The following FRMPD1 variants were observed in gnomAD, a reference collection of about 807,000 sequenced individuals.
FRMPD1 encodes FERM and PDZ domain-containing protein 1.
Under a neutral mutation model 117.8 loss-of-function variants are expected in FRMPD1, and 76 were observed. The ratio of observed to expected loss-of-function variants is 0.65; its 90% CI spans 0.54 to 0.78. FRMPD1 has a LOEUF of 0.78. FRMPD1 is among the 30% of genes least tolerant of loss of function. FRMPD1 has a pLI of 0.00. For missense variants in FRMPD1, 1,786 were observed against 1,964.5 expected (o/e 0.91, Z 1.72); for synonymous variants, 783 against 770.4 (o/e 1.02, Z -0.27).
intron 6 of FRMPD1, among the ~76,000 whole-genome samples, chr9:37,720,665 T>C (rs1417579227): frequency 6.7e-6 from 1 of 148,614 alleles, no homozygotes; most frequent in East Asian, 2.0e-4. Context: ...CCAGACTCCA[T>C]CTCAAAAAAA....
intron 1 of FRMPD1, among the ~76,000 whole-genome samples, chr9:37,682,218 T>A (rs779423430): frequency 9.2e-5 from 14 of 152,190 alleles, no homozygotes; most frequent in Admixed American, 2.6e-4. Context: ...TTTTTTAACC[T>A]CTCCAAGCCT....
At chr9:37,704,027 T>G (rs781728936) in intron 2 of FRMPD1, among the ~76,000 whole-genome samples, 40 of 152,190 alleles carry the variant, frequency 2.6e-4, no homozygotes, top group Non-Finnish European at 5.6e-4. Flanking sequence ...TACCCAGGAG[T>G]GCAATTGCTG....
chr9:37,735,463 G>A (rs1824074812), intron 12 of FRMPD1, 89 bp from the exon 13 acceptor site: 1 of 960,028 alleles, frequency 1.0e-6, no homozygotes, highest in Non-Finnish European at 1.6e-6. Context: ...GAATCAAGGA[G>A]TTTGCAGCGA....
chr9:37,689,032 C>T (rs1370418694), intron 1 of FRMPD1, among the ~76,000 whole-genome samples: 1 of 152,114 alleles, frequency 6.6e-6, no homozygotes, highest in African/African-American at 2.4e-5. Flanking sequence ...CACTCCTCCT[C>T]ACCCTTGAAT....
At chr9:37,692,959 C>T (rs1013408973) in intron 2 of FRMPD1, among the ~76,000 whole-genome samples, 4 of 151,978 alleles carry the variant, frequency 2.6e-5, no homozygotes, top group Non-Finnish European at 5.9e-5. Context: ...ACAGAGACAC[C>T]CCAACTCACA....
chr9:37,731,931 G>A (rs970289145), intron 9 of FRMPD1, among the ~76,000 whole-genome samples: 3 of 152,006 alleles, frequency 2.0e-5, no homozygotes, highest in Non-Finnish European at 4.4e-5. Context: ...TTTTACAGAT[G>A]AGATAACTCA....
At chr9:37,614,376 A>T in the FRMPD1 span, among the ~76,000 whole-genome samples, 3 of 152,258 alleles carry the variant, frequency 2.0e-5, no homozygotes, top group Non-Finnish European at 4.4e-5. Context: ...TGAGACAGGC[A>T]GGATGAAGAA....
intron 1 of FRMPD1, among the ~76,000 whole-genome samples, chr9:37,655,983 C>G (rs1820832000): frequency 6.6e-6 from 1 of 152,182 alleles, no homozygotes; most frequent in African/African-American, 2.4e-5. Context: ...TCACTGTTCC[C>G]TGATACTTGG....
intron 4 of FRMPD1, among the ~76,000 whole-genome samples, chr9:37,710,959 C>CAAA (rs33962036): frequency 1.1e-4 from 12 of 106,936 alleles, no homozygotes; most frequent in Non-Finnish European, 1.2e-4. Flanking sequence ...CTCTGTCTCA[C>CAAA]AAAAAAAAAA....
chr9:37,617,992 G>A, the FRMPD1 span, among the ~76,000 whole-genome samples: 1 of 152,168 alleles, frequency 6.6e-6, no homozygotes, highest in South Asian at 2.1e-4. Flanking sequence ...GGATGACTGA[G>A]CTTGTAGGAA....
chr9:37,673,367 G>A (rs2381720), intron 1 of FRMPD1, among the ~76,000 whole-genome samples: 95,621 of 152,164 alleles, frequency 0.63, 31,745 homozygotes, highest in African/African-American at 0.85. Context: ...GTGGGTTCCC[G>A]TGGTCTTGGG....
At chr9:37,606,820 C>T in the FRMPD1 span, among the ~76,000 whole-genome samples, 1 of 152,068 alleles carries the variant, frequency 6.6e-6, no homozygotes, top group African/African-American at 2.4e-5. Context: ...CTGGGACACA[C>T]AGCCAGAGAG....
intron 1 of FRMPD1, among the ~76,000 whole-genome samples, chr9:37,664,886 G>C (rs1469318211): frequency 6.6e-6 from 1 of 152,110 alleles, no homozygotes; most frequent in Admixed American, 6.5e-5. Flanking sequence ...TTTGTGGGGG[G>C]CAATTTGGCT....
intron 2 of FRMPD1, 97 bp downstream of exon 2, chr9:37,692,839 T>C: frequency 1.1e-6 from 1 of 880,444 alleles, no homozygotes; most frequent in Non-Finnish European, 1.9e-6. Context: ...GATTGCTGTC[T>C]CCGGCTTGCT....
the FRMPD1 span, among the ~76,000 whole-genome samples, chr9:37,628,448 CAG>C: frequency 5.3e-5 from 8 of 152,084 alleles, no homozygotes; most frequent in African/African-American, 1.4e-4. Flanking sequence ...AAAAGAAAAA[CAG>C]AGAAAAAGAA....
At chr9:37,721,281 C>A (rs1823388659) in intron 6 of FRMPD1, among the ~76,000 whole-genome samples, 1 of 152,216 alleles carries the variant, frequency 6.6e-6, no homozygotes, top group Non-Finnish European at 1.5e-5. Flanking sequence ...TGTGACCTGT[C>A]TATTCATCCT....
intron 1 of FRMPD1, among the ~76,000 whole-genome samples, chr9:37,688,993 T>C (rs1006085048): frequency 1.3e-5 from 2 of 151,964 alleles, no homozygotes; most frequent in African/African-American, 2.4e-5. Flanking sequence ...GTATTAAGGG[T>C]TTATAATAGA....
At chr9:37,734,988 G>A (rs950939788) in intron 12 of FRMPD1, among the ~76,000 whole-genome samples, 4 of 152,252 alleles carry the variant, frequency 2.6e-5, no homozygotes, top group Admixed American at 2.0e-4. Context: ...AACAGGTTCA[G>A]GGTGCTTGCT....
the FRMPD1 span, among the ~76,000 whole-genome samples, chr9:37,631,630 G>A: frequency 1.3e-5 from 2 of 152,194 alleles, no homozygotes; most frequent in Non-Finnish European, 2.9e-5. Flanking sequence ...CAGAGACAAG[G>A]CCTTGCTCTG....
Sources: gnomAD v4.1 joint callset for allele counts (sites outside exome capture counted in the v4.1 genomes callset) on GRCh38, gnomAD v4.1.1 for gene constraint, MANE v1.5 for transcripts, NCBI Gene and HGNC (gene_info 2026-07-23, HGNC 2026-07-21) for gene names.